Variants in OPCML observed in about 807,000 individuals in gnomAD.
OPCML encodes the protein opioid-binding protein/cell adhesion molecule.
A neutral mutation model predicts 37.8 loss-of-function variants in OPCML; 13 were observed. The ratio of observed to expected loss-of-function variants is 0.34; its 90% CI spans 0.22 to 0.55. The LOEUF is 0.55. Ranked by LOEUF, OPCML falls within the 20% of genes least tolerant of loss-of-function variation. The pLI is 0.91. For synonymous variants in OPCML, 176 were observed against 168.8 expected, an observed-to-expected ratio of 1.04 and a Z score of -0.33; for missense variants, 341 against 435.6, an observed-to-expected ratio of 0.78 and a Z score of 1.93.
chr11:133,140,528 TAATAAGAAGAAGAAGAAGAAGAAGAAG>T lies in OPCML; in HGVS notation c.62-197545_62-197519del, dbSNP rs1302117697. Among the ~76,000 whole-genome samples the T allele has an allele frequency of 7.8e-3, 475 of 61,270 alleles. 3 individuals are homozygous for T. The highest frequency in any genetic ancestry group is 0.024 in the African/African-American group (444 of 18,128). The allele number at this position is 61,270 out of a possible 152,430, so 40.2% of individuals were successfully genotyped here. A position where few individuals can be genotyped will look rare whatever the true frequency, so the allele number is the denominator to read the frequency against. On this transcript the variant is annotated intron_variant, in intron 1 of 7. Coordinates refer to ENST00000524381, the MANE Select transcript of OPCML (RefSeq NM_001012393.5). ...CTCTGTCTCAAAATAATAATAATAA[TAATAAGAAGAAGAAGAAGAAGAAGAAG>T]AAGAAGAAGAAGAAGAAGAAGAAAG... is the stretch of plus-strand genomic sequence containing the variant.
intron 1 of OPCML, among the ~76,000 whole-genome samples, chr11:133,150,532 G>A (rs1949964640): frequency 6.6e-6 from 1 of 152,158 alleles, no homozygotes; most frequent in Non-Finnish European, 1.5e-5. Flanking sequence ...TGCACCGTAT[G>A]CTGCCTTACA....
At chr11:132,853,588 C>T (rs963715967) in intron 2 of OPCML, among the ~76,000 whole-genome samples, 1 of 152,152 alleles carries the variant, frequency 6.6e-6, no homozygotes, top group Non-Finnish European at 1.5e-5. Context: ...ACAAAAAAAT[C>T]TCTTGCCTAT....
chr11:132,827,930 C>T (rs1312446715), intron 2 of OPCML, among the ~76,000 whole-genome samples: 2 of 152,034 alleles, frequency 1.3e-5, no homozygotes, highest in Non-Finnish European at 2.9e-5. Flanking sequence ...CGCGCCTGGC[C>T]CCTGTGCACC....
intron 3 of OPCML, among the ~76,000 whole-genome samples, chr11:132,603,927 C>A (rs901156433): frequency 1.3e-5 from 2 of 152,162 alleles, no homozygotes; most frequent in Admixed American, 1.3e-4. Context: ...TCCCCCAGCA[C>A]CCGTAATACT....
intron 2 of OPCML, among the ~76,000 whole-genome samples, chr11:132,801,341 T>C (rs1228976186): frequency 1.3e-5 from 2 of 152,186 alleles, no homozygotes; most frequent in Non-Finnish European, 2.9e-5. Context: ...TTGGTACTTT[T>C]ATTTTAGAAA....
At chr11:133,437,571 T>C (rs1297650492) in intron 1 of OPCML, among the ~76,000 whole-genome samples, 2 of 152,014 alleles carry the variant, frequency 1.3e-5, no homozygotes, top group Non-Finnish European at 2.9e-5. Context: ...ATAACCAGAA[T>C]GGATCACTTA....
Position 132,434,126 on chromosome 11 carries a change from G to A in OPCML, c.916+1960C>T, listed in dbSNP as rs116903274. On this transcript the variant is annotated intron_variant, in intron 7 of 7. Transcript: ENST00000524381. ...CCACCAACCATGGGGATAATGGCAG[G>A]TTGTGGCAGGGAAGTGACTCAATCC... is the stretch of plus-strand genomic sequence containing the variant. Among the ~76,000 whole-genome samples, 1,508 of 152,246 alleles carry A rather than the reference G, an allele frequency of 9.9e-3. 8 individuals are homozygous for A. Among genetic ancestry groups the A allele is most frequent in the Non-Finnish European group, 0.016 (1,081 of 68,010 alleles).
intron 3 of OPCML, among the ~76,000 whole-genome samples, chr11:132,561,603 C>T (rs1184990277): frequency 2.0e-5 from 3 of 152,232 alleles, no homozygotes; most frequent in East Asian, 1.9e-4. Flanking sequence ...GCACACAATG[C>T]TGGGGGACCA....
chr11:132,974,341 G>A (rs1946409657), intron 1 of OPCML, among the ~76,000 whole-genome samples: 2 of 152,032 alleles, frequency 1.3e-5, no homozygotes, highest in Admixed American at 1.3e-4. Context: ...ATCACACTTT[G>A]CATACCAATA....
At chr11:132,721,537 T>C (rs1172207931) in intron 2 of OPCML, among the ~76,000 whole-genome samples, 1 of 152,102 alleles carries the variant, frequency 6.6e-6, no homozygotes, top group Non-Finnish European at 1.5e-5. Flanking sequence ...TGCAAACTCA[T>C]CTCTGGGAGC....
At chr11:132,965,264 G>A (rs372512981) in intron 1 of OPCML, among the ~76,000 whole-genome samples, 1 of 152,084 alleles carries the variant, frequency 6.6e-6, no homozygotes, top group Non-Finnish European at 1.5e-5. Context: ...TTTTTGGGGG[G>A]AGGAGGTGGA....
At chr11:132,988,032 A>T (rs1372136434) in intron 1 of OPCML, among the ~76,000 whole-genome samples, 4 of 152,266 alleles carry the variant, frequency 2.6e-5, no homozygotes, top group Non-Finnish European at 4.4e-5. Flanking sequence ...TCAACAAGAA[A>T]GAAAATGCAG....
intron 1 of OPCML, among the ~76,000 whole-genome samples, chr11:133,443,207 C>T (rs1437055636): frequency 6.6e-6 from 1 of 152,148 alleles, no homozygotes; most frequent in East Asian, 1.9e-4. Context: ...TGATCAACCA[C>T]TCTAAAGATT....
chr11:133,394,579 A>G (rs1192880556), intron 1 of OPCML, among the ~76,000 whole-genome samples: 1 of 152,160 alleles, frequency 6.6e-6, no homozygotes, highest in Non-Finnish European at 1.5e-5. Context: ...CCCATGCTAT[A>G]GTAACCATCC....
At chr11:133,236,738 G>GT (rs1940534662) in intron 1 of OPCML, among the ~76,000 whole-genome samples, 1 of 152,188 alleles carries the variant, frequency 6.6e-6, no homozygotes, top group Non-Finnish European at 1.5e-5. Context: ...ATTTAAAAGT[G>GT]TTTTTACCTT....
intron 3 of OPCML, among the ~76,000 whole-genome samples, chr11:132,548,020 C>T (rs550745553): frequency 6.6e-6 from 1 of 152,314 alleles, no homozygotes; most frequent in East Asian, 1.9e-4. Flanking sequence ...TAGTTAGACA[C>T]TGTACTATGG....
chr11:133,059,842 G>A (rs1234902292), intron 1 of OPCML, among the ~76,000 whole-genome samples: 3 of 152,204 alleles, frequency 2.0e-5, no homozygotes, highest in Admixed American at 6.5e-5. Flanking sequence ...AAAAGGGAAT[G>A]AAATTAGTCA....
intron 1 of OPCML, among the ~76,000 whole-genome samples, chr11:133,314,228 G>A (rs1360503538): frequency 9.7e-5 from 7 of 72,122 alleles, no homozygotes; most frequent in Non-Finnish European, 1.1e-4. Flanking sequence ...GCGAGACTCC[G>A]TCTCAAAAAA....
intron 1 of OPCML, among the ~76,000 whole-genome samples, chr11:133,336,131 C>A (rs150634252): frequency 6.6e-4 from 101 of 152,224 alleles, no homozygotes; most frequent in African/African-American, 2.3e-3. Flanking sequence ...GCCAAGGTAC[C>A]CAATCAAAGT....
Sources: allele counts gnomAD v4.1 joint callset (sites outside exome capture counted in the v4.1 genomes callset), GRCh38; gene constraint gnomAD v4.1.1; transcripts MANE v1.5; gene names NCBI Gene and HGNC (gene_info 2026-07-23, HGNC 2026-07-21).